Variants in ADGRB3 observed in about 807,000 individuals in gnomAD.
ADGRB3 encodes the protein brain-specific angiogenesis inhibitor 3.
In ADGRB3, 37 loss-of-function variants were observed where a neutral mutation model predicts 193.4. The ratio of observed to expected loss-of-function variants is 0.19; its 90% CI spans 0.15 to 0.25. ADGRB3 has a LOEUF of 0.25. Ranked by LOEUF, ADGRB3 falls within the 10% of genes least tolerant of loss-of-function variation. The pLI is 1.00. For missense variants in ADGRB3, 1,637 were observed against 1,852.9 expected (o/e 0.88, Z 2.14); for synonymous variants, 690 against 644.2 (o/e 1.07, Z -1.08).
intron 17 of ADGRB3, among the ~76,000 whole-genome samples, chr6:69,209,332 G>A (rs534370307): frequency 3.9e-5 from 6 of 152,184 alleles, no homozygotes; most frequent in Admixed American, 3.9e-4. Flanking sequence ...TTGTGGGAGG[G>A]GCCAAATGCA....
chr6:69,211,648 G>A lies in ADGRB3; in HGVS notation c.2481-21642G>A, dbSNP rs183968261. 2.9e-3 allele frequency among the ~76,000 whole-genome samples: 441 copies of A among 152,116 alleles called. 6 individuals are homozygous for A. Among genetic ancestry groups the A allele is most frequent in the African/African-American group, 8.1e-3 (338 of 41,508 alleles). On this transcript the variant is annotated intron_variant, in intron 17 of 31. Transcript: ENST00000370598. ...TCTTCCTCTCATTTATATTATATAA[G>A]ATATTTATTAGTTTATATTATCATC...
chr6:68,743,107 T>C (rs890959797), intron 3 of ADGRB3, among the ~76,000 whole-genome samples: 2 of 152,032 alleles, frequency 1.3e-5, no homozygotes, highest in Admixed American at 6.6e-5. Context: ...AGCTCAGAAA[T>C]TTGCTTCAAT....
chr6:69,349,920 G>A (rs1769186238), intron 26 of ADGRB3, among the ~76,000 whole-genome samples: 4 of 152,132 alleles, frequency 2.6e-5, no homozygotes, highest in Admixed American at 2.6e-4. Context: ...TGTCTGAATT[G>A]CAACACTGCC....
At chr6:68,681,814 A>C (rs1163194068) in intron 3 of ADGRB3, among the ~76,000 whole-genome samples, 1 of 152,216 alleles carries the variant, frequency 6.6e-6, no homozygotes, top group Non-Finnish European at 1.5e-5. Context: ...ATAGCTGTTC[A>C]TTCCAAATTT....
At chr6:68,909,490 A>C (rs1412413269) in intron 3 of ADGRB3, among the ~76,000 whole-genome samples, 2 of 152,316 alleles carry the variant, frequency 1.3e-5, no homozygotes, top group Non-Finnish European at 2.9e-5. Flanking sequence ...ATTCCACAGA[A>C]ATGTAAATAA....
intron 19 of ADGRB3, among the ~76,000 whole-genome samples, chr6:69,237,070 A>G (rs1766280038): frequency 6.6e-6 from 1 of 152,054 alleles, no homozygotes; most frequent in South Asian, 2.1e-4. Flanking sequence ...AATGCAGTTT[A>G]TAAGCGCCTA....
At chr6:68,913,224 A>G in intron 3 of ADGRB3, among the ~76,000 whole-genome samples, 1 of 152,168 alleles carries the variant, frequency 6.6e-6, no homozygotes, top group Non-Finnish European at 1.5e-5. Context: ...ATATCTGAGA[A>G]TGGGCAGACT....
chr6:68,704,124 A>G (rs1765287657), intron 3 of ADGRB3, among the ~76,000 whole-genome samples: 2 of 152,250 alleles, frequency 1.3e-5, no homozygotes, highest in South Asian at 4.1e-4. Context: ...AACATAAATT[A>G]TTATGAAACA....
chr6:68,716,261 G>C (rs1765487707), intron 3 of ADGRB3, among the ~76,000 whole-genome samples: 1 of 151,648 alleles, frequency 6.6e-6, no homozygotes, highest in East Asian at 1.9e-4. Flanking sequence ...TATAGGGTAG[G>C]TGTTCATGTG....
chr6:69,328,114 C>T (rs1768619870), intron 22 of ADGRB3, among the ~76,000 whole-genome samples: 1 of 152,098 alleles, frequency 6.6e-6, no homozygotes, highest in Non-Finnish European at 1.5e-5. Context: ...CTTAATAAGA[C>T]CAGCATATTT....
intron 3 of ADGRB3, among the ~76,000 whole-genome samples, chr6:68,643,017 A>C (rs1768117301): frequency 6.6e-6 from 1 of 152,238 alleles, no homozygotes; most frequent in African/African-American, 2.4e-5. Context: ...TTCATTTATA[A>C]TAAATGATTA....
intron 20 of ADGRB3, among the ~76,000 whole-genome samples, chr6:69,281,510 G>A (rs1262166809): frequency 6.6e-6 from 1 of 152,160 alleles, no homozygotes; most frequent in Non-Finnish European, 1.5e-5. Flanking sequence ...CAGAGCAGTT[G>A]CCCCTCTTTC....
chr6:69,135,788 T>C (rs1774133431), intron 17 of ADGRB3, among the ~76,000 whole-genome samples: 1 of 152,028 alleles, frequency 6.6e-6, no homozygotes, highest in Non-Finnish European at 1.5e-5. Flanking sequence ...AAACAGACTA[T>C]AGGGATTATC....
intron 20 of ADGRB3, among the ~76,000 whole-genome samples, chr6:69,278,631 T>G (rs1386707826): frequency 6.6e-6 from 1 of 152,184 alleles, no homozygotes; most frequent in East Asian, 1.9e-4. Context: ...ATTACAAGCA[T>G]GTTCAGGCAA....
At chr6:69,003,632 A>G (rs1012840896) in intron 11 of ADGRB3, among the ~76,000 whole-genome samples, 2 of 152,196 alleles carry the variant, frequency 1.3e-5, no homozygotes, top group African/African-American at 4.8e-5. Flanking sequence ...TCTCTGTGGT[A>G]TAGAAAGCCT....
chr6:68,752,815 G>A (rs1287703335), intron 3 of ADGRB3, among the ~76,000 whole-genome samples: 1 of 152,110 alleles, frequency 6.6e-6, no homozygotes. Flanking sequence ...AGTTTTTTAT[G>A]GGTAAATGTT....
At chr6:68,670,519 A>C (rs2585592) in intron 3 of ADGRB3, among the ~76,000 whole-genome samples, 2 of 151,712 alleles carry the variant, frequency 1.3e-5, no homozygotes, top group African/African-American at 4.8e-5. Flanking sequence ...ATTTTTTGAA[A>C]AGACTGTCTT....
At chr6:68,829,565 A>G (rs1767915614) in intron 3 of ADGRB3, among the ~76,000 whole-genome samples, 2 of 152,182 alleles carry the variant, frequency 1.3e-5, no homozygotes, top group African/African-American at 2.4e-5. Context: ...AGGGTTACAT[A>G]AAACTACTTA....
chr6:69,132,804 A>G (rs564875737), intron 17 of ADGRB3, among the ~76,000 whole-genome samples: 3 of 152,140 alleles, frequency 2.0e-5, no homozygotes, highest in Admixed American at 6.5e-5. Context: ...ATTTTTGTAT[A>G]AGGAGTAAAG....
Sources: gnomAD v4.1 joint callset for allele counts (sites outside exome capture counted in the v4.1 genomes callset) on GRCh38, gnomAD v4.1.1 for gene constraint, MANE v1.5 for transcripts, NCBI Gene and HGNC (gene_info 2026-07-23, HGNC 2026-07-21) for gene names.